The following TRIM67 variants were observed in gnomAD, a reference collection of about 807,000 sequenced individuals.
The protein encoded by TRIM67 is tripartite motif-containing protein 67.
In TRIM67, 39 loss-of-function variants were observed where a neutral mutation model predicts 71.0. The observed-to-expected ratio is 0.55, with a 90% confidence interval of 0.43 to 0.72. The LOEUF (loss-of-function observed/expected upper bound fraction) is 0.72, where lower values mean the gene tolerates loss of function less well. TRIM67 is among the 30% of genes least tolerant of loss of function. TRIM67 has a pLI of 0.00. For missense variants in TRIM67, 973 were observed against 1,079.2 expected (o/e 0.90, Z 1.38); for synonymous variants, 481 against 473.9 (o/e 1.01, Z -0.19).
chr1:231,176,881 T>C (rs1682761864), intron 1 of TRIM67, among the ~76,000 whole-genome samples: 3 of 128,292 alleles, frequency 2.3e-5, no homozygotes. Context: ...TCAGTCATTT[T>C]ACCCTGTTTG....
intron 7 of TRIM67, among the ~76,000 whole-genome samples, chr1:231,208,314 C>G (rs1030947457): frequency 3.9e-5 from 6 of 152,050 alleles, no homozygotes; most frequent in Admixed American, 3.3e-4. Context: ...GCTGGGACTA[C>G]AGGCACCTGC....
chr1:231,162,975 G>A lies in TRIM67; in HGVS notation c.6G>A (p.Glu2=). 1 of 1,611,796 alleles carries A rather than the reference G, an allele frequency of 6.2e-7. No homozygotes were observed. The part of the protein sequence containing the change: M[E]EELKCPVCGS... ...CGCTGGCAGCCGGCGCCGCGATGGA[G>A]GAAGAGCTGAAGTGTCCCGTGTGCG... The change falls in exon 1 of 10, where the codon GAG becomes GAA. Residue 2 remains glutamate, a synonymous_variant. Transcript: ENST00000366653.
At chr1:231,203,038 G>C (rs1244920795) in intron 5 of TRIM67, among the ~76,000 whole-genome samples, 1 of 152,158 alleles carries the variant, frequency 6.6e-6, no homozygotes, top group South Asian at 2.1e-4. Flanking sequence ...CTACCAGCTC[G>C]TTAACTGAGG....
intron 1 of TRIM67, chr1:231,187,395 T>G: frequency 1.1e-6 from 1 of 950,032 alleles, no homozygotes; most frequent in South Asian, 2.0e-5. Context: ...TACCTTTTAA[T>G]TTTTTTAAAA....
intron 5 of TRIM67, 41 bp from the exon 6 acceptor site, chr1:231,203,826 G>C: frequency 6.3e-7 from 1 of 1,592,014 alleles, no homozygotes; most frequent in Non-Finnish European, 8.6e-7. Flanking sequence ...TGGGGCCCTC[G>C]GAGGGCTTCC....
chr1:231,186,488 C>T (rs1481255568), intron 1 of TRIM67, among the ~76,000 whole-genome samples: 2 of 152,124 alleles, frequency 1.3e-5, no homozygotes, highest in Admixed American at 1.3e-4. Flanking sequence ...GCTATGCTGC[C>T]CCTGAGGGCT....
chr1:231,191,650 G>T (rs1485090877), intron 1 of TRIM67, among the ~76,000 whole-genome samples: 1 of 152,146 alleles, frequency 6.6e-6, no homozygotes, highest in Non-Finnish European at 1.5e-5. Flanking sequence ...AGTTAACCTA[G>T]AAATAGTTAA....
At position 231,216,342 on chromosome 1, in the gene TRIM67, C is replaced by G; in HGVS notation, c.*902C>G. On this transcript the variant is annotated 3_prime_UTR_variant, in exon 10 of 10. Coordinates refer to ENST00000366653, the MANE Select transcript of TRIM67 (RefSeq NM_001004342.5). ...TCTCCTAAAATTAATTCACTCAGTT[C>G]TTAGTTCTTAAATCCACGTGAAAAC... 1.0e-6 allele frequency: 1 copy of G among 985,408 alleles called. No individual in the cohort carries two copies. The highest frequency in any genetic ancestry group is 1.2e-6 in the Non-Finnish European group (1 of 829,924). 61.0% of individuals were successfully genotyped at this position (985,408 alleles called of 1,614,324 possible).
chr1:231,168,258 G>T (rs894415517), intron 1 of TRIM67, among the ~76,000 whole-genome samples: 2 of 152,242 alleles, frequency 1.3e-5, no homozygotes, highest in Admixed American at 1.3e-4. Flanking sequence ...GTAGGCGTGA[G>T]CGACTGCACC....
At chr1:231,185,665 G>C (rs983889163) in intron 1 of TRIM67, among the ~76,000 whole-genome samples, 1 of 151,908 alleles carries the variant, frequency 6.6e-6, no homozygotes, top group African/African-American at 2.4e-5. Flanking sequence ...ACACTGTTGA[G>C]TGCCCGTTCT....
At chr1:231,202,132 T>TAATGGAGAAGGAGGAGGAGATGGA (rs1683556605) in intron 5 of TRIM67, among the ~76,000 whole-genome samples, 3 of 3,298 alleles carry the variant, frequency 9.1e-4, no homozygotes, top group Non-Finnish European at 2.0e-3. Flanking sequence ...GAGGAGGAGA[T>TAATGGAGAAGGAGGAGGAGATGGA]GGAGGAGGAG....
At chr1:231,198,924 AT>A (rs1482671872) in intron 2 of TRIM67, 122 bp from the exon 3 acceptor site, 3 of 1,487,710 alleles carry the variant, frequency 2.0e-6, no homozygotes, top group Non-Finnish European at 2.7e-6. Flanking sequence ...ATTTAACAAC[AT>A]TATAGAGAAA....
At chr1:231,211,546 T>C (rs112249995) in intron 8 of TRIM67, among the ~76,000 whole-genome samples, 28 of 152,236 alleles carry the variant, frequency 1.8e-4, no homozygotes, top group African/African-American at 6.3e-4. Context: ...GGTTTTAGTT[T>C]CCTTCTCCCA....
rs1571910649 is a variant in TRIM67 at position 231,219,553 on chromosome 1, T to A, written c.*4113T>A. The A allele has an allele frequency of 9.2e-7, 1 of 1,091,688 alleles. No homozygotes were observed. Among genetic ancestry groups the A allele is most frequent in the East Asian group, 8.1e-5 (1 of 12,284 alleles). 67.6% of individuals were successfully genotyped at this position (1,091,688 alleles called of 1,614,324 possible). On this transcript the variant is annotated 3_prime_UTR_variant, in exon 10 of 10. Coordinates refer to ENST00000366653, the MANE Select transcript of TRIM67 (RefSeq NM_001004342.5). ...GAGCCACCTCCAACAGATGCCAACC[T>A]GTTGGGTCTTGAATTTTCACTCACT...
At chr1:231,178,133 T>G (rs1456225945) in intron 1 of TRIM67, among the ~76,000 whole-genome samples, 2 of 152,174 alleles carry the variant, frequency 1.3e-5, no homozygotes, top group African/African-American at 2.4e-5. Context: ...TTATGTGTGG[T>G]AATCATGTGA....
At chr1:231,199,506 C>T (rs1683461948) in intron 3 of TRIM67, among the ~76,000 whole-genome samples, 1 of 152,306 alleles carries the variant, frequency 6.6e-6, no homozygotes, top group South Asian at 2.1e-4. Context: ...AGGTCTCCAG[C>T]TCTGTCCCCT....
At chr1:231,165,429 A>G (rs1682427983) in intron 1 of TRIM67, among the ~76,000 whole-genome samples, 1 of 152,224 alleles carries the variant, frequency 6.6e-6, no homozygotes, top group Non-Finnish European at 1.5e-5. Flanking sequence ...CTAGCAAAGC[A>G]CCTTAAATAT....
rs1558312863 is a variant in TRIM67 at position 231,221,084 on chromosome 1, T to A, written c.*5644T>A. 1 of 152,218 alleles carries A rather than the reference T, an allele frequency of 6.6e-6. No homozygotes were observed. Among genetic ancestry groups the A allele is most frequent in the Non-Finnish European group, 1.5e-5 (1 of 68,066 alleles). The allele number at this position is 152,218 out of a possible 1,614,324, so 9.4% of individuals were successfully genotyped here. ...GGGGAGCGGGCAAAGCAGAAAACAT[T>A]CAATGCATGATGTAGGATTGCTGCG... On this transcript the variant is annotated 3_prime_UTR_variant, in exon 10 of 10. Transcript: ENST00000366653.
chr1:231,202,213 A>AGAAGGAGGAGGAGAT, intron 5 of TRIM67, among the ~76,000 whole-genome samples: 2 of 151,530 alleles, frequency 1.3e-5, no homozygotes, highest in Non-Finnish European at 2.9e-5. Flanking sequence ...GAGATAGTGG[A>AGAAGGAGGAGGAGAT]GGAGGAGGAG....
Sources: gnomAD v4.1 joint callset for allele counts (sites outside exome capture counted in the v4.1 genomes callset) on GRCh38, gnomAD v4.1.1 for gene constraint, MANE v1.5 for transcripts, NCBI Gene and HGNC (gene_info 2026-07-23, HGNC 2026-07-21) for gene names.